The following LSG1 variants were observed in gnomAD, a reference collection of about 807,000 sequenced individuals.
LSG1 encodes large 60S subunit nuclear export GTPase 1, also known as large subunit GTPase 1 homolog.
Under a neutral mutation model 82.6 loss-of-function variants are expected in LSG1, and 55 were observed. The ratio of observed to expected loss-of-function variants is 0.67; its 90% CI spans 0.54 to 0.83. The LOEUF is 0.83. Ranked by LOEUF, LSG1 falls within the 40% of genes least tolerant of loss-of-function variation. LSG1 has a pLI of 0.00. For missense variants in LSG1, 809 were observed against 807.9 expected (o/e 1.00, Z -0.02); for synonymous variants, 272 against 282.5 (o/e 0.96, Z 0.37).
In LSG1 at chr3:194,644,716, CAGG is replaced by C. The variant is rs1381760697; in HGVS notation, c.1651_1653del (p.Pro551del). ...TGCTGAAAAGTTACAGGATCTCTTC[CAGG>C]AGGAGGATGGCAGTACAGCAGCTTA... On this transcript the variant is annotated inframe_deletion, in exon 13 of 14. Transcript: ENST00000265245. 5.6e-6 allele frequency: 9 copies of C among 1,606,930 alleles called. No individual in the cohort carries two copies. The East Asian group carries it at 9.0e-5, about 16-fold the overall frequency.
chr3:194,671,754 G>T (rs1316987947), intron 1 of LSG1: 3 of 412,138 alleles, frequency 7.3e-6, no homozygotes, highest in Non-Finnish European at 1.3e-5. Context: ...TCCTGCTCTG[G>T]AAGTTCCAAG....
chr3:194,670,359 T>G (rs1719119757), intron 1 of LSG1, among the ~76,000 whole-genome samples: 2 of 152,236 alleles, frequency 1.3e-5, no homozygotes, highest in Non-Finnish European at 2.9e-5. Context: ...GAGGTGAATT[T>G]TACTGTATTT....
At chr3:194,652,622 C>A (rs1479878748) in intron 8 of LSG1, 107 bp downstream of exon 8, 3 of 1,227,704 alleles carry the variant, frequency 2.4e-6, no homozygotes, top group Non-Finnish European at 3.4e-6. Context: ...GGGCAATGTT[C>A]CCTACGATGC....
Position 194,641,888 on chromosome 3 carries a change from G to C in LSG1, c.*180C>G. ...GCTCCCAGATGACTCCTTTTTGTCA[G>C]AGTTGGTGTTTCCAGGAGGCCCTTG... On this transcript the variant is annotated 3_prime_UTR_variant, in exon 14 of 14. Transcript: ENST00000265245. The C allele has an allele frequency of 3.5e-6, 2 of 571,534 alleles. No individual in the cohort carries two copies. The highest frequency in any genetic ancestry group is 3.0e-5 in the Admixed American group (1 of 33,234). 35.4% of individuals were successfully genotyped at this position (571,534 alleles called of 1,614,324 possible).
chr3:194,644,530 AAG>A (rs1467583500), intron 13 of LSG1, 41 bp downstream of exon 13: 3 of 1,512,172 alleles, frequency 2.0e-6, no homozygotes, highest in Non-Finnish European at 2.7e-6. Context: ...CTGTTATAAA[AAG>A]AGTGTTGGAT....
At chr3:194,643,456 C>G (rs1018549472) in intron 13 of LSG1, among the ~76,000 whole-genome samples, 1 of 152,090 alleles carries the variant, frequency 6.6e-6, no homozygotes, top group Non-Finnish European at 1.5e-5. Flanking sequence ...TGACGCTCAG[C>G]ATCACTAGTA....
At chr3:194,653,211 A>G in intron 7 of LSG1, 69 bp from the exon 8 acceptor site, 1 of 1,484,224 alleles carries the variant, frequency 6.7e-7, no homozygotes, top group Non-Finnish European at 9.2e-7. Flanking sequence ...ATACTTAATG[A>G]GTTGTAAGAT....
rs370400412 is a variant in LSG1, at chr3:194,672,178, G to A, written c.-16C>T. 3 of 1,576,840 alleles carry A rather than the reference G, an allele frequency of 1.9e-6. No homozygotes were observed. The highest frequency in any genetic ancestry group is 2.6e-6 in the Non-Finnish European group (3 of 1,159,734). On this transcript the variant is annotated 5_prime_UTR_variant, in exon 1 of 14. Transcript: ENST00000265245. ...TCCGGCCCATGGCAACACGACCGCT[G>A]GACGAAGCTTCCCGGCTCGGCGCGT... is the stretch of plus-strand genomic sequence containing the variant.
At chr3:194,665,789 C>T (rs947196792) in intron 4 of LSG1, 146 bp from the exon 5 acceptor site, 17 of 570,554 alleles carry the variant, frequency 3.0e-5, no homozygotes, top group Non-Finnish European at 5.2e-5. Flanking sequence ...CCTGCTGAGA[C>T]ACCATAAAAA....
chr3:194,670,177 T>G, intron 1 of LSG1, 42 bp from the exon 2 acceptor site: 1 of 1,608,042 alleles, frequency 6.2e-7, no homozygotes. Context: ...TGCTCTCTTC[T>G]GCTCTTGGCA....
At chr3:194,671,915 CTG>C in intron 1 of LSG1, 147 bp downstream of exon 1, 1 of 716,764 alleles carries the variant, frequency 1.4e-6, no homozygotes, top group South Asian at 1.5e-5. Flanking sequence ...GGAGGAGGGC[CTG>C]CTACTCAGCT....
chr3:194,672,040 G>A, intron 1 of LSG1, 24 bp downstream of exon 1: 1 of 1,602,244 alleles, frequency 6.2e-7, no homozygotes, highest in Non-Finnish European at 8.5e-7. Context: ...GAAAAGATAA[G>A]AAAGATGACA....
chr3:194,645,997 G>T (rs1202659667), intron 12 of LSG1, among the ~76,000 whole-genome samples, 167 bp downstream of exon 12: 1 of 152,176 alleles, frequency 6.6e-6, no homozygotes, highest in East Asian at 1.9e-4. Flanking sequence ...TCCATCTTTT[G>T]TAATGTCTAT....
chr3:194,656,914 C>T (rs946265215), intron 7 of LSG1, among the ~76,000 whole-genome samples: 2 of 151,920 alleles, frequency 1.3e-5, no homozygotes, highest in South Asian at 2.1e-4. Context: ...AACCAAACAC[C>T]GCATATTCTC....
chr3:194,666,647 G>C lies in LSG1; in HGVS notation c.227-75C>G. The stretch of plus-strand genomic sequence containing the variant: ...GAGTGTTTGGTCATACTGATAAACT[G>C]AGAAAACTAAAAATGAGAGCCTAAG... On this transcript the variant is annotated intron_variant, in intron 2 of 13. Coordinates refer to ENST00000265245, the MANE Select transcript of LSG1 (RefSeq NM_018385.3). 7.2e-6 allele frequency: 9 copies of C among 1,258,220 alleles called. 1 individual carries two copies. The South Asian group carries it at 1.4e-4, about 19-fold the overall frequency. 77.9% of individuals were successfully genotyped at this position (1,258,220 alleles called of 1,614,324 possible). A position where few individuals can be genotyped will look rare whatever the true frequency, so the allele number is the denominator to read the frequency against.
At chr3:194,657,653 G>C (rs1237959109) in intron 7 of LSG1, among the ~76,000 whole-genome samples, 2 of 152,038 alleles carry the variant, frequency 1.3e-5, no homozygotes, top group East Asian at 3.9e-4. Flanking sequence ...AATTAGGTGT[G>C]GCTAGTTTTG....
intron 2 of LSG1, among the ~76,000 whole-genome samples, 192 bp downstream of exon 2, chr3:194,669,817 A>G (rs1355993311): frequency 6.6e-6 from 1 of 152,182 alleles, no homozygotes; most frequent in Non-Finnish European, 1.5e-5. Flanking sequence ...CTGTAGTCCT[A>G]GCTACTTGGG....
intron 6 of LSG1, among the ~76,000 whole-genome samples, chr3:194,659,621 C>G (rs1718881283): frequency 6.6e-6 from 1 of 152,220 alleles, no homozygotes; most frequent in Non-Finnish European, 1.5e-5. Context: ...ATGGGACTCT[C>G]ACATGTTAGT....
intron 7 of LSG1, among the ~76,000 whole-genome samples, chr3:194,657,622 A>G (rs138901517): frequency 5.9e-5 from 9 of 152,260 alleles, no homozygotes; most frequent in African/African-American, 2.2e-4. Flanking sequence ...CTAGGCAAAT[A>G]CCACCTGGAA....
Sources: gnomAD v4.1 joint callset for allele counts (sites outside exome capture counted in the v4.1 genomes callset) on GRCh38, gnomAD v4.1.1 for gene constraint, MANE v1.5 for transcripts, NCBI Gene and HGNC (gene_info 2026-07-23, HGNC 2026-07-21) for gene names.